The following ZNF674 variants were observed in gnomAD, a reference collection of about 807,000 sequenced individuals.
The protein encoded by ZNF674 is zinc finger protein 674, also known as zinc finger family member 674.
Under a neutral mutation model 7.0 loss-of-function variants are expected in ZNF674, and 2 were observed. The observed-to-expected ratio is 0.29, with a 90% CI of 0.12 to 0.90. The LOEUF (loss-of-function observed/expected upper bound fraction) is 0.90, where lower values mean the gene tolerates loss of function less well. Among genes scored for constraint, ZNF674 ranks in the 40% least tolerant of loss-of-function variants. ZNF674 has a pLI of 0.57. For synonymous variants in ZNF674, 103 were observed against 145.2 expected, an observed-to-expected ratio of 0.71 and a Z score of 2.09; for missense variants, 297 against 415.5, an observed-to-expected ratio of 0.71 and a Z score of 2.48.
intron 5 of ZNF674, among the ~76,000 whole-genome samples, chrX:46,509,915 T>G (rs1941618063): frequency 9.1e-6 from 1 of 110,072 alleles, no homozygotes; most frequent in South Asian, 4.0e-4. Context: ...ATAGACTGGA[T>G]TAAGAAAATG....
Position 46,501,164 on chromosome X carries a change from C to A in ZNF674, c.410G>T (p.Arg137Ile), listed in dbSNP as rs201330464. 613 of 1,206,639 alleles carry A rather than the reference C, an allele frequency of 5.1e-4. 1 individual carries two copies. Among genetic ancestry groups the A allele is most frequent in the Non-Finnish European group, 6.5e-4 (577 of 893,392 alleles). Residue 137 changes from arginine (R) to isoleucine (I), a missense_variant, in exon 6 of 6, where the codon AGA (arginine) becomes ATA (isoleucine). Transcript: ENST00000683375. ...TTCCCATGAATAATATTTAGGGAGT[C>A]TTTGTTTTACAGAAACAAAGTCTGT... ...LNTDFVSVKQRLPKYYSWERC... is the reference protein window; with the variant it reads ...LNTDFVSVKQILPKYYSWERC...
intron 1 of ZNF674, among the ~76,000 whole-genome samples, chrX:46,545,050 G>A (rs1227483784): frequency 1.8e-5 from 2 of 111,821 alleles, no homozygotes; most frequent in Non-Finnish European, 3.8e-5. Flanking sequence ...AGGTTGCCAA[G>A]CCACACTGTA....
intron 3 of ZNF674, among the ~76,000 whole-genome samples, chrX:46,541,870 G>A (rs1202520013): frequency 8.9e-6 from 1 of 112,019 alleles, no homozygotes; most frequent in Non-Finnish European, 1.9e-5. Context: ...TACAGTTTCT[G>A]GAAGAACAAG....
chrX:46,499,154 A>C lies in ZNF674; in HGVS notation c.*689T>G, dbSNP rs10156987. 0.27 allele frequency: 29,287 copies of C among 109,758 alleles called. 3,083 individuals carry two copies. Among genetic ancestry groups the C allele is most frequent in the Middle Eastern group, 0.38 (81 of 214 alleles). The allele number at this position is 109,758 out of a possible 1,213,427, so 9.0% of individuals were successfully genotyped here. On this transcript the variant is annotated 3_prime_UTR_variant, in exon 6 of 6. Transcript: ENST00000683375. Reference sequence around the variant, plus strand: ...ATATAGAGCATGATTCCTCTCATTTATACCATGGGTTTGTTTATTTATTTA... The same window carrying C: ...ATATAGAGCATGATTCCTCTCATTTCTACCATGGGTTTGTTTATTTATTTA...
chrX:46,501,231 C>G lies in ZNF674; in HGVS notation c.343G>C (p.Gly115Arg). 8.3e-7 allele frequency: 1 copy of G among 1,210,643 alleles called. No homozygotes were observed. Among genetic ancestry groups the G allele is most frequent in the East Asian group, 3.0e-5 (1 of 33,839 alleles). The change falls in exon 6 of 6, where the codon GGT becomes CGT. Residue 115 changes from glycine (G) to arginine (R), a missense_variant. Transcript: ENST00000683375. ...TTTCTACATATTTTACATTCTTGAC[C>G]ACTTTCATCCTTCAGTGTTTCCTTG... ...IGKETLKDES[G>R]QECKICRKII...
At chrX:46,510,479 A>G (rs984014867) in intron 5 of ZNF674, among the ~76,000 whole-genome samples, 1 of 111,474 alleles carries the variant, frequency 9.0e-6, no homozygotes, top group Non-Finnish European at 1.9e-5. Flanking sequence ...TACAACACTC[A>G]TTAGTGATTT....
chrX:46,543,958 T>C (rs1157278430), intron 2 of ZNF674, among the ~76,000 whole-genome samples: 2 of 112,628 alleles, frequency 1.8e-5, no homozygotes, highest in Non-Finnish European at 3.8e-5. Context: ...TGGAAGCAGG[T>C]GCCTGGTTGA....
Position 46,528,421 on chromosome X carries a change from A to T in ZNF674, c.167T>A (p.Val56Glu), listed in dbSNP as rs1409310136. The T allele has an allele frequency of 8.3e-7, 1 of 1,211,226 alleles. No individual in the cohort carries two copies. The change falls in exon 5 of 6, where the codon GTG becomes GAG. Residue 56 changes from valine to glutamate, a missense_variant. Transcript: ENST00000683375. ...GTCACCTGGTCCCAACCTGAAGATC[A>T]CATCTGGCTTCCCAACTAGATGCCC... ...SVGHLVGKPD[V>E]IFRLGPGDES...
At chrX:46,544,283 ACG>A (rs1420549129) in intron 2 of ZNF674, among the ~76,000 whole-genome samples, 1 of 113,057 alleles carries the variant, frequency 8.8e-6, no homozygotes, top group African/African-American at 3.2e-5. Flanking sequence ...AAAGGCCACT[ACG>A]GGTCCAGCTC....
At chrX:46,510,227 C>A (rs1000426257) in intron 5 of ZNF674, among the ~76,000 whole-genome samples, 1 of 108,770 alleles carries the variant, frequency 9.2e-6, no homozygotes, top group Non-Finnish European at 1.9e-5. Flanking sequence ...CAGCATGGCA[C>A]ATGTATACAT....
intron 5 of ZNF674, among the ~76,000 whole-genome samples, chrX:46,514,172 C>G (rs961955543): frequency 1.8e-5 from 2 of 111,914 alleles, no homozygotes; most frequent in African/African-American, 6.5e-5. Context: ...GGCATTTTCT[C>G]TCTCCAATAG....
chrX:46,536,063 C>T (rs760296801), intron 3 of ZNF674, among the ~76,000 whole-genome samples: 33 of 112,448 alleles, frequency 2.9e-4, no homozygotes, highest in African/African-American at 1.1e-3. Context: ...TTGTTTCTTA[C>T]TTTAACCAGC....
chrX:46,541,243 C>T (rs1280219341), intron 3 of ZNF674, among the ~76,000 whole-genome samples: 2 of 107,784 alleles, frequency 1.9e-5, no homozygotes, highest in Admixed American at 1.0e-4. Flanking sequence ...TGCCTGTAAT[C>T]CCAGGTACTC....
chrX:46,519,568 A>G (rs1363579333), intron 5 of ZNF674, among the ~76,000 whole-genome samples: 1 of 109,063 alleles, frequency 9.2e-6, no homozygotes, highest in East Asian at 2.8e-4. Context: ...AGATTGTGCC[A>G]CTGCACTCCA....
intron 5 of ZNF674, among the ~76,000 whole-genome samples, chrX:46,507,231 A>T (rs984416422): frequency 2.7e-5 from 3 of 111,104 alleles, no homozygotes; most frequent in Admixed American, 9.7e-5. Flanking sequence ...GCACAGCTAT[A>T]GTCCCAGCTA....
chrX:46,542,260 C>A, intron 2 of ZNF674, 144 bp from the exon 3 acceptor site: 1 of 361,422 alleles, frequency 2.8e-6, no homozygotes, highest in Middle Eastern at 4.6e-4. Flanking sequence ...CCATGGGACG[C>A]TACTAAGATC....
intron 5 of ZNF674, among the ~76,000 whole-genome samples, chrX:46,509,083 A>G (rs1941597760): frequency 9.2e-6 from 1 of 109,162 alleles, no homozygotes; most frequent in South Asian, 4.0e-4. Flanking sequence ...CTGCCTAGCC[A>G]TATGTAGAAA....
intron 5 of ZNF674, among the ~76,000 whole-genome samples, chrX:46,506,459 C>T (rs186694191): frequency 9.1e-6 from 1 of 109,771 alleles, no homozygotes; most frequent in Non-Finnish European, 1.9e-5. Flanking sequence ...TATTTCCTAT[C>T]AGGCACCCAG....
rs768484852 is a variant in ZNF674 at position 46,500,748 on chromosome X, C to A, written c.826G>T (p.Glu276Ter). ...AAGGTTTTTCCACATTCACTGCATT[C>A]ATAGGGCTTCTCCCCTGTGTGAGTT... ...QRTHTGEKPYECSECGKTFIQ... is the reference protein window; with the variant it reads ...QRTHTGEKPY Residue 276 changes from glutamate to a stop codon, truncating the protein, a stop_gained, in exon 6 of 6, where the codon GAA becomes TAA. Transcript: ENST00000683375. LOFTEE classifies it low-confidence loss of function (END_TRUNC). 1 of 1,205,275 alleles carries A rather than the reference C, an allele frequency of 8.3e-7. No homozygotes were observed. The highest frequency in any genetic ancestry group is 1.1e-6 in the Non-Finnish European group (1 of 892,055).
Sources: allele counts gnomAD v4.1 joint callset (sites outside exome capture counted in the v4.1 genomes callset), GRCh38; gene constraint gnomAD v4.1.1; transcripts MANE v1.5; gene names NCBI Gene and HGNC (gene_info 2026-07-23, HGNC 2026-07-21).